RANBP2: variants seen among roughly 807,000 people sequenced by gnomAD.
RANBP2 encodes E3 SUMO-protein ligase RanBP2.
Under a neutral mutation model 303.6 loss-of-function variants are expected in RANBP2, and 57 were observed. The ratio of observed to expected loss-of-function variants is 0.19; its 90% CI spans 0.15 to 0.23. The LOEUF is 0.23. Among genes scored for constraint, RANBP2 ranks in the 10% least tolerant of loss-of-function variants. The pLI is 1.00. For missense variants in RANBP2, 3,138 were observed against 3,780.8 expected (o/e 0.83, Z 4.46); for synonymous variants, 1,167 against 1,301.5 (o/e 0.90, Z 2.23).
chr2:108,766,869 T>A lies in RANBP2; in HGVS notation c.6330T>A (p.Ser2110Arg), dbSNP rs1190614551. The A allele has an allele frequency of 1.2e-6, 2 of 1,611,406 alleles. No individual in the cohort carries two copies. Among genetic ancestry groups the A allele is most frequent in the Non-Finnish European group, 1.7e-6 (2 of 1,179,866 alleles). Residue 2110 changes from serine (S) to arginine (R), a missense_variant, in exon 20 of 29, where the codon AGT (serine) becomes AGA (arginine). Ser to Arg is a moderately radical substitution (Grantham distance 110). Transcript: ENST00000283195. ...GSDRAWMWLASDFSDGDAKLE... is the reference protein window; with the variant it reads ...GSDRAWMWLARDFSDGDAKLE... ...ATAGAGCATGGATGTGGTTAGCCAGTGATTTCTCTGATGGTGATGCCAAAC... is the reference window on the plus strand; with the variant it reads ...ATAGAGCATGGATGTGGTTAGCCAGAGATTTCTCTGATGGTGATGCCAAAC...
chr2:109,426,348 C>A, the RANBP2 span, among the ~76,000 whole-genome samples: 2 of 152,134 alleles, frequency 1.3e-5, no homozygotes, highest in Admixed American at 6.5e-5. Context: ...GGGAGGAGGT[C>A]AAAATATCAA....
At chr2:108,933,677 G>A in the RANBP2 span, among the ~76,000 whole-genome samples, 1 of 152,238 alleles carries the variant, frequency 6.6e-6, no homozygotes, top group African/African-American at 2.4e-5. Context: ...AATGGACTGA[G>A]GCAAGATTGA....
chr2:108,940,708 A>C, the RANBP2 span, among the ~76,000 whole-genome samples: 1 of 152,246 alleles, frequency 6.6e-6, no homozygotes, highest in Admixed American at 6.5e-5. Context: ...ACACCACGCG[A>C]TGACGTGGGT....
At chr2:108,886,978 C>T in the RANBP2 span, among the ~76,000 whole-genome samples, 4 of 152,104 alleles carry the variant, frequency 2.6e-5, no homozygotes, top group East Asian at 5.8e-4. Context: ...TGAGAGTTTT[C>T]CCTAGGCTTT....
the RANBP2 span, among the ~76,000 whole-genome samples, chr2:108,831,078 G>A: frequency 2.6e-5 from 4 of 152,056 alleles, no homozygotes; most frequent in East Asian, 7.7e-4. Context: ...ATGGGGCTGA[G>A]GCACCAGAAT....
At chr2:108,719,763 C>T (rs1279347091) in intron 1 of RANBP2, 85 bp downstream of exon 1, 1 of 1,540,344 alleles carries the variant, frequency 6.5e-7, no homozygotes, top group African/African-American at 1.4e-5. Flanking sequence ...TCCCGACGGG[C>T]GCTGCTCCCT....
Position 108,719,828 on chromosome 2 carries a change from G to C in RANBP2, c.72+150G>C, listed in dbSNP as rs553607309. Reference sequence around the variant, plus strand: ...GGCGCAGTCCTGTGGGCGGCGTGGCGCTTGCAAGCGCATGAAGAGTCCTGG... The same window carrying C: ...GGCGCAGTCCTGTGGGCGGCGTGGCCCTTGCAAGCGCATGAAGAGTCCTGG... On this transcript the variant is annotated intron_variant, in intron 1 of 28. Coordinates refer to ENST00000283195, the MANE Select transcript of RANBP2 (RefSeq NM_006267.5). 508 of 1,442,422 alleles carry C rather than the reference G, an allele frequency of 3.5e-4. 3 individuals are homozygous for C. The African/African-American group carries it at 6.8e-3, about 19-fold the overall frequency. 89.4% of individuals were successfully genotyped at this position (1,442,422 alleles called of 1,614,324 possible). A position where few individuals can be genotyped will look rare whatever the true frequency, so the allele number is the denominator to read the frequency against.
the RANBP2 span, among the ~76,000 whole-genome samples, chr2:109,276,114 G>A: frequency 6.6e-6 from 1 of 152,166 alleles, no homozygotes; most frequent in Non-Finnish European, 1.5e-5. Context: ...CCCAGTGATG[G>A]TAGAAGGCAT....
At chr2:109,039,055 CTT>C in the RANBP2 span, among the ~76,000 whole-genome samples, 25 of 152,282 alleles carry the variant, frequency 1.6e-4, no homozygotes, top group African/African-American at 6.0e-4. Flanking sequence ...AATCAGTAGA[CTT>C]TGAGTAAAGC....
the RANBP2 span, chr2:108,929,277 A>G: frequency 1.2e-6 from 2 of 1,614,056 alleles, no homozygotes; most frequent in South Asian, 1.1e-5. Context: ...AAGCCCTCAC[A>G]GTCTTTGTGA....
chr2:109,506,187 C>T, the RANBP2 span, among the ~76,000 whole-genome samples: 12 of 152,174 alleles, frequency 7.9e-5, no homozygotes, highest in Admixed American at 7.9e-4. Context: ...GTGAGCTGGG[C>T]CTTCAGTTGA....
the RANBP2 span, among the ~76,000 whole-genome samples, chr2:108,990,437 C>CAAAA: frequency 0.012 from 858 of 70,364 alleles, 11 homozygotes; most frequent in Non-Finnish European, 0.017. Flanking sequence ...GACTCCGTCT[C>CAAAA]AAAAAAAAAA....
chr2:109,732,607 G>A, the RANBP2 span: 2 of 422,904 alleles, frequency 4.7e-6, no homozygotes, highest in Admixed American at 5.3e-5. Flanking sequence ...CTCTCGAGTA[G>A]CTGGGACTAT....
chr2:109,485,869 C>T, the RANBP2 span, among the ~76,000 whole-genome samples: 20 of 152,258 alleles, frequency 1.3e-4, no homozygotes, highest in East Asian at 5.8e-4. Flanking sequence ...ACAGCCTCAT[C>T]GCAAGCCTCC....
At chr2:109,299,397 C>G in the RANBP2 span, among the ~76,000 whole-genome samples, 11 of 149,892 alleles carry the variant, frequency 7.3e-5, no homozygotes, top group East Asian at 2.1e-3. Flanking sequence ...ACATCAGGGT[C>G]CTTGACACAT....
chr2:109,684,626 C>G, the RANBP2 span, among the ~76,000 whole-genome samples: 1 of 151,116 alleles, frequency 6.6e-6, no homozygotes, highest in South Asian at 2.1e-4. Context: ...CTCTGTCTCC[C>G]GGGTTCCAGT....
At chr2:108,788,723 G>GAA, downstream of RANBP2, 3 of 1,277,766 alleles carry the variant, frequency 2.3e-6, no homozygotes, top group Non-Finnish European at 3.1e-6. Flanking sequence ...CCGTCTCAAA[G>GAA]AAAAAAAAAG....
At position 108,763,732 on chromosome 2, in the gene RANBP2, A is replaced by G; in HGVS notation, c.3193A>G (p.Ser1065Gly). Reference protein sequence around the residue: ...PPPAAYSNSESLLGLLTSDKP... With the variant: ...PPPAAYSNSEGLLGLLTSDKP... ...TCCTGCAGCTTACAGTAACAGTGAA[A>G]GCCTTTTAGGTCTCCTGACTTCAGA... Residue 1065 changes from serine to glycine, a missense_variant, in exon 20 of 29, where the codon AGC becomes GGC. By Grantham distance (56) the Ser-to-Gly change is moderately conservative. Around this residue, in one of 20 missense-constraint regions of RANBP2, gnomAD observed 403 missense variants for 376.7 expected, o/e 1.07. Transcript: ENST00000283195. 6.2e-7 allele frequency: 1 copy of G among 1,614,106 alleles called. No individual in the cohort carries two copies. The highest frequency in any genetic ancestry group is 2.2e-5 in the East Asian group (1 of 44,882).
chr2:109,404,672 C>T, the RANBP2 span, among the ~76,000 whole-genome samples: 6,364 of 152,182 alleles, frequency 0.042, 294 homozygotes, highest in African/African-American at 0.11. Context: ...CCTCTCCCAC[C>T]GGGTGCCCCC....
Sources: gnomAD v4.1 joint callset for allele counts (sites outside exome capture counted in the v4.1 genomes callset) on GRCh38, gnomAD v4.1.1 for gene constraint, gnomAD v4.1.1 regional missense constraint, MANE v1.5 for transcripts, NCBI Gene and HGNC (gene_info 2026-07-23, HGNC 2026-07-21) for gene names.